The following FHIT variants were observed in gnomAD, a reference collection of about 807,000 sequenced individuals.
FHIT encodes the protein fragile histidine triad diadenosine triphosphatase, also known as bis(5'-adenosyl)-triphosphatase.
A neutral mutation model predicts 17.9 loss-of-function variants in FHIT; 19 were observed. That is an observed-to-expected ratio of 1.06 (90% CI 0.74 to 1.56). The LOEUF (loss-of-function observed/expected upper bound fraction) is 1.56, where lower values mean the gene tolerates loss of function less well. FHIT is among the 40% of genes most tolerant of loss of function. The probability of loss-of-function intolerance (pLI) is 0.00; values close to 1 mark genes in which losing one functional copy is unlikely to be tolerated. For synonymous variants in FHIT, 81 were observed against 69.7 expected (o/e 1.16, Z -0.81); for missense variants, 248 against 189.2 (o/e 1.31, Z -1.82).
intron 4 of FHIT, among the ~76,000 whole-genome samples, chr3:60,555,039 CGTAACAGTGTACTACA>C (rs1313078873): frequency 1.3e-5 from 2 of 152,160 alleles, no homozygotes; most frequent in Non-Finnish European, 2.9e-5. Context: ...ACATTTTTTA[CGTAACAGTGTACTACA>C]GGTGGTACAA....
intron 2 of FHIT, among the ~76,000 whole-genome samples, chr3:61,064,042 G>T (rs2034520410): frequency 6.6e-6 from 1 of 152,044 alleles, no homozygotes; most frequent in Non-Finnish European, 1.5e-5. Context: ...GTGTGTCCAG[G>T]GAAGATAGGC....
intron 5 of FHIT, among the ~76,000 whole-genome samples, chr3:60,217,323 A>C (rs191494143): frequency 6.6e-6 from 1 of 152,328 alleles, no homozygotes; most frequent in East Asian, 1.9e-4. Context: ...GAGTCGAAGA[A>C]AAGACAAAAC....
chr3:61,043,349 C>T (rs1465867198), intron 2 of FHIT, among the ~76,000 whole-genome samples: 1 of 152,008 alleles, frequency 6.6e-6, no homozygotes, highest in African/African-American at 2.4e-5. Context: ...CTCGGAGGGT[C>T]CCACGCCCAC....
intron 5 of FHIT, among the ~76,000 whole-genome samples, chr3:60,066,626 A>G (rs955590390): frequency 9.2e-6 from 1 of 108,736 alleles, no homozygotes; most frequent in African/African-American, 3.1e-5. Context: ...TTAATCCCTG[A>G]CAAATTTTTT....
intron 8 of FHIT, among the ~76,000 whole-genome samples, chr3:59,840,030 C>A (rs1254634497): frequency 2.0e-5 from 3 of 152,128 alleles, no homozygotes; most frequent in Non-Finnish European, 4.4e-5. Context: ...TTCTAAGTAG[C>A]CAGGCTACAG....
At chr3:60,158,800 C>A (rs1350604772) in intron 5 of FHIT, among the ~76,000 whole-genome samples, 2 of 152,104 alleles carry the variant, frequency 1.3e-5, no homozygotes, top group African/African-American at 4.8e-5. Context: ...CACTTTGTGA[C>A]AGCACCCTAT....
chr3:60,472,291 C>CT (rs575900766), intron 5 of FHIT, among the ~76,000 whole-genome samples: 194 of 151,828 alleles, frequency 1.3e-3, no homozygotes, highest in Non-Finnish European at 2.3e-3. Context: ...TGTATGCCCA[C>CT]TTTTTTATTT....
intron 5 of FHIT, among the ~76,000 whole-genome samples, chr3:60,206,127 C>T (rs1338789882): frequency 4.0e-5 from 5 of 126,514 alleles, no homozygotes; most frequent in East Asian, 2.1e-4. Context: ...AGCGAGACTC[C>T]GTCTCAAAAA....
chr3:60,408,133 A>G (rs1412307671), intron 5 of FHIT, among the ~76,000 whole-genome samples: 1 of 152,232 alleles, frequency 6.6e-6, no homozygotes, highest in Non-Finnish European at 1.5e-5. Context: ...TGTAACACAC[A>G]GGCACATTAA....
In FHIT at chr3:59,931,664, TA is replaced by T. The variant is rs1025878222; in HGVS notation, c.280-9251del. ...GGAAACTTCGAGGAAAAAAATAAAA[TA>T]AAAAAAAATTCAGTTTAAACAAAAA... On this transcript the variant is annotated intron_variant, in intron 7 of 9. Transcript: ENST00000492590. Among the ~76,000 whole-genome samples the T allele has an allele frequency of 2.6e-4, 40 of 151,466 alleles. No individual in the cohort carries two copies. The South Asian group carries it at 3.3e-3, about 13-fold the overall frequency.
intron 8 of FHIT, among the ~76,000 whole-genome samples, chr3:59,884,933 C>T (rs1703555495): frequency 6.6e-6 from 1 of 152,174 alleles, no homozygotes; most frequent in African/African-American, 2.4e-5. Flanking sequence ...ATAACTGTAA[C>T]ATTTAATTTC....
intron 5 of FHIT, among the ~76,000 whole-genome samples, chr3:60,390,234 T>G (rs943723878): frequency 3.9e-5 from 6 of 152,038 alleles, no homozygotes; most frequent in African/African-American, 1.4e-4. Context: ...GGATAACAAT[T>G]TTTAAAGCTT....
intron 8 of FHIT, among the ~76,000 whole-genome samples, chr3:59,829,929 T>C: frequency 6.7e-6 from 1 of 149,530 alleles, no homozygotes; most frequent in Admixed American, 6.7e-5. Context: ...TCTACAAAAA[T>C]AAAAAAAAAA....
At chr3:59,865,360 G>A (rs143754273) in intron 8 of FHIT, among the ~76,000 whole-genome samples, 193 of 152,372 alleles carry the variant, frequency 1.3e-3, no homozygotes, top group African/African-American at 4.4e-3. Flanking sequence ...GTGCAAGCAC[G>A]TTAGCTATTC....
At chr3:60,920,601 A>G (rs568465461) in intron 3 of FHIT, among the ~76,000 whole-genome samples, 2 of 152,240 alleles carry the variant, frequency 1.3e-5, no homozygotes, top group South Asian at 4.1e-4. Context: ...TGCCCCAAGC[A>G]GAGGAAACCC....
intron 5 of FHIT, among the ~76,000 whole-genome samples, chr3:60,510,112 T>C (rs571552307): frequency 1.4e-4 from 22 of 152,304 alleles, no homozygotes; most frequent in Non-Finnish European, 3.1e-4. Context: ...AGCAACATAC[T>C]GTGGAATTCA....
chr3:59,817,904 A>C (rs763622294), intron 8 of FHIT, among the ~76,000 whole-genome samples: 1 of 152,086 alleles, frequency 6.6e-6, no homozygotes, highest in Non-Finnish European at 1.5e-5. Context: ...CTTCAGGGGC[A>C]CTCCAAAGAA....
chr3:60,251,592 T>C (rs1460382059), intron 5 of FHIT, among the ~76,000 whole-genome samples: 1 of 152,218 alleles, frequency 6.6e-6, no homozygotes, highest in Non-Finnish European at 1.5e-5. Flanking sequence ...TGGGAATAGT[T>C]ATGCCAGTTT....
chr3:60,428,821 G>A (rs1013561748), intron 5 of FHIT, among the ~76,000 whole-genome samples: 11 of 152,072 alleles, frequency 7.2e-5, no homozygotes, highest in Non-Finnish European at 1.2e-4. Context: ...ATTTTCTTAC[G>A]GGAGAGAGGC....
Sources: gnomAD v4.1 joint callset for allele counts (sites outside exome capture counted in the v4.1 genomes callset) on GRCh38, gnomAD v4.1.1 for gene constraint, MANE v1.5 for transcripts, NCBI Gene and HGNC (gene_info 2026-07-23, HGNC 2026-07-21) for gene names.